The following TBC1D8 variants were observed in gnomAD, a reference collection of about 807,000 sequenced individuals.
TBC1D8 encodes TBC1 domain family member 8.
A neutral mutation model predicts 118.8 loss-of-function variants in TBC1D8; 65 were observed. The ratio of observed to expected loss-of-function variants is 0.55; its 90% confidence interval spans 0.45 to 0.67. The LOEUF is 0.67. Ranked by LOEUF, TBC1D8 falls within the 30% of genes least tolerant of loss-of-function variation. The pLI, the probability that TBC1D8 is intolerant of heterozygous loss-of-function variation, is 0.00. For missense variants in TBC1D8, 1,376 were observed against 1,471.2 expected (o/e 0.94, Z 1.06); for synonymous variants, 566 against 595.8 (o/e 0.95, Z 0.73).
At chr2:101,150,585 C>T (rs942714732) in intron 1 of TBC1D8, among the ~76,000 whole-genome samples, 1 of 152,246 alleles carries the variant, frequency 6.6e-6, no homozygotes, top group Non-Finnish European at 1.5e-5. Context: ...AGATCACGAG[C>T]TTGGGATTCG....
intron 1 of TBC1D8, among the ~76,000 whole-genome samples, chr2:101,146,430 A>C (rs1679320187): frequency 6.6e-6 from 1 of 152,226 alleles, no homozygotes; most frequent in Admixed American, 6.5e-5. Context: ...CATCAATTCA[A>C]ATTACAACTT....
intron 8 of TBC1D8, among the ~76,000 whole-genome samples, chr2:101,036,376 G>A (rs1230211430): frequency 1.3e-5 from 2 of 152,092 alleles, no homozygotes; most frequent in Non-Finnish European, 2.9e-5. Flanking sequence ...ACAGGGTAAG[G>A]CCCTGCAGGA....
At chr2:101,125,047 G>T (rs1558721593) in intron 1 of TBC1D8, among the ~76,000 whole-genome samples, 3 of 152,178 alleles carry the variant, frequency 2.0e-5, no homozygotes, top group Admixed American at 6.5e-5. Context: ...CTGAGCAAAT[G>T]ATATTTTTAT....
At chr2:101,077,153 A>T (rs1674890596) in intron 2 of TBC1D8, among the ~76,000 whole-genome samples, 1 of 151,638 alleles carries the variant, frequency 6.6e-6, no homozygotes, top group Non-Finnish European at 1.5e-5. Flanking sequence ...CCTCCCGGGT[A>T]GATGGGACTA....
rs117450647 is a variant in TBC1D8 at position 101,081,829 on chromosome 2, C to A, written c.283+8380G>T. Among the ~76,000 whole-genome samples the A allele has an allele frequency of 6.3e-3, 961 of 152,282 alleles. 33 individuals carry two copies. The highest frequency in any genetic ancestry group is 0.048 in the Admixed American group (731 of 15,292). On this transcript the variant is annotated intron_variant, in intron 2 of 19. Coordinates refer to ENST00000409318, the MANE Select transcript of TBC1D8 (RefSeq NM_001330348.2). ...GGGCAAGAACAATGCACTCAATGCA[C>A]AGGGCCATGATAAAAAATAAAATGT...
intron 5 of TBC1D8, among the ~76,000 whole-genome samples, chr2:101,043,203 G>A (rs148649814): frequency 1.4e-3 from 211 of 152,286 alleles, no homozygotes; most frequent in African/African-American, 4.9e-3. Flanking sequence ...CTGTTTCCAC[G>A]GGCGCCTGAG....
chr2:101,146,204 C>T (rs1233172219), intron 1 of TBC1D8, among the ~76,000 whole-genome samples: 1 of 152,194 alleles, frequency 6.6e-6, no homozygotes, highest in Admixed American at 6.5e-5. Flanking sequence ...ATAACTAAGG[C>T]TCAAAGAAAC....
intron 1 of TBC1D8, among the ~76,000 whole-genome samples, chr2:101,105,027 A>C (rs995970778): frequency 1.6e-4 from 7 of 44,674 alleles, no homozygotes; most frequent in East Asian, 1.3e-3. Flanking sequence ...CTCTATCTCA[A>C]AAAAAAAAAA....
intron 1 of TBC1D8, among the ~76,000 whole-genome samples, chr2:101,131,893 A>G (rs955689123): frequency 6.6e-6 from 1 of 152,202 alleles, no homozygotes; most frequent in East Asian, 1.9e-4. Context: ...CAGACTTACA[A>G]TAAAGTTATT....
intron 5 of TBC1D8, among the ~76,000 whole-genome samples, chr2:101,044,668 C>T (rs937721348): frequency 6.6e-6 from 1 of 152,214 alleles, no homozygotes; most frequent in African/African-American, 2.4e-5. Context: ...CACCTACCCT[C>T]CAGTGCTGCA....
At chr2:101,038,310 A>T in intron 7 of TBC1D8, 151 bp downstream of exon 7, 1 of 928,702 alleles carries the variant, frequency 1.1e-6, no homozygotes, top group Non-Finnish European at 1.6e-6. Flanking sequence ...ACACCCTCTC[A>T]GGACAGCCGG....
intron 6 of TBC1D8, among the ~76,000 whole-genome samples, chr2:101,039,126 G>A (rs1363389531): frequency 6.6e-6 from 1 of 152,214 alleles, no homozygotes; most frequent in Non-Finnish European, 1.5e-5. Context: ...TGATGAAAGA[G>A]TTCTGGAGAT....
chr2:101,026,455 GA>G (rs906229250), intron 15 of TBC1D8, among the ~76,000 whole-genome samples: 2 of 152,102 alleles, frequency 1.3e-5, no homozygotes, highest in Non-Finnish European at 2.9e-5. Context: ...AATGAGGAGT[GA>G]GGAACCTACT....
At chr2:101,008,359 AAACGACACAGTATTTTT>A in intron 19 of TBC1D8, 86 bp from the exon 20 acceptor site, 2 of 1,058,488 alleles carry the variant, frequency 1.9e-6, no homozygotes, top group Non-Finnish European at 2.6e-6. Context: ...AGCTTTGAGA[AAACGACACAGTATTTTT>A]GAAGACACAG....
chr2:101,110,105 T>G (rs1677501366), intron 1 of TBC1D8: 2 of 786,864 alleles, frequency 2.5e-6, no homozygotes, highest in African/African-American at 3.8e-5. Flanking sequence ...GTTTTATAAT[T>G]AGGGCCCAAA....
At chr2:101,065,090 T>C (rs1037920082) in intron 2 of TBC1D8, among the ~76,000 whole-genome samples, 2 of 152,154 alleles carry the variant, frequency 1.3e-5, no homozygotes, top group Admixed American at 1.3e-4. Context: ...AAGCATCTCA[T>C]TGTCTATGCC....
intron 1 of TBC1D8, among the ~76,000 whole-genome samples, chr2:101,122,319 C>T (rs1318349594): frequency 1.4e-4 from 20 of 147,860 alleles, no homozygotes; most frequent in Admixed American, 3.4e-4. Context: ...GATCCACCTG[C>T]CCTGGCCTCC....
At chr2:101,036,368 A>G (rs1301477433) in intron 8 of TBC1D8, among the ~76,000 whole-genome samples, 200 bp from the exon 9 acceptor site, 1 of 152,172 alleles carries the variant, frequency 6.6e-6, no homozygotes, top group East Asian at 1.9e-4. Context: ...TGAATAACAC[A>G]GGGTAAGGCC....
At chr2:101,104,880 G>A (rs1257367560) in intron 1 of TBC1D8, among the ~76,000 whole-genome samples, 5 of 152,112 alleles carry the variant, frequency 3.3e-5, no homozygotes. Context: ...CGGGCATGGT[G>A]GCATGCGCCT....
Sources: gnomAD v4.1 joint callset for allele counts (sites outside exome capture counted in the v4.1 genomes callset) on GRCh38, gnomAD v4.1.1 for gene constraint, MANE v1.5 for transcripts, NCBI Gene and HGNC (gene_info 2026-07-23, HGNC 2026-07-21) for gene names.